Variants in VDAC1 observed in about 807,000 individuals in gnomAD.
The protein encoded by VDAC1 is voltage dependent anion channel 1, also known as non-selective voltage-gated ion channel VDAC1.
VDAC1 carries 10 observed loss-of-function variants against 34.7 expected under a neutral mutation model. The observed-to-expected ratio is 0.29, with a 90% CI of 0.18 to 0.49. The LOEUF (loss-of-function observed/expected upper bound fraction) is 0.49, where lower values mean the gene tolerates loss of function less well. VDAC1 is among the 20% of genes least tolerant of loss of function. The pLI is 0.99. For missense variants in VDAC1, 230 were observed against 347.9 expected, an observed-to-expected ratio of 0.66 and a Z score of 2.69; for synonymous variants, 130 against 136.0, an observed-to-expected ratio of 0.96 and a Z score of 0.30.
At chr5:133,982,495 G>C (rs111755671) in intron 5 of VDAC1, among the ~76,000 whole-genome samples, 12,767 of 133,994 alleles carry the variant, frequency 0.095, 766 homozygotes, top group South Asian at 0.23. Flanking sequence ...CTGGGCGACA[G>C]AGTAAGACTC....
At chr5:134,109,425 T>G in the VDAC1 span, among the ~76,000 whole-genome samples, 1 of 152,112 alleles carries the variant, frequency 6.6e-6, no homozygotes, top group Non-Finnish European at 1.5e-5. Flanking sequence ...ACGCCGCTTG[T>G]CTCTCACCTC....
the VDAC1 span, among the ~76,000 whole-genome samples, chr5:134,106,874 C>G: frequency 6.6e-6 from 1 of 152,210 alleles, no homozygotes; most frequent in African/African-American, 2.4e-5. Flanking sequence ...CATCTTTCTC[C>G]TTCCAGTTCC....
chr5:134,018,958 T>C, the VDAC1 span, among the ~76,000 whole-genome samples: 1 of 152,184 alleles, frequency 6.6e-6, no homozygotes, highest in Admixed American at 6.6e-5. Flanking sequence ...ACTCTCCATA[T>C]GCCTCCATCA....
chr5:134,046,955 C>T, the VDAC1 span, among the ~76,000 whole-genome samples: 1 of 152,178 alleles, frequency 6.6e-6, no homozygotes. Flanking sequence ...TGTGGCTGCA[C>T]TGTTAGAGCT....
chr5:134,028,642 T>G, the VDAC1 span, among the ~76,000 whole-genome samples: 1 of 152,122 alleles, frequency 6.6e-6, no homozygotes, highest in Non-Finnish European at 1.5e-5. Flanking sequence ...TTGCTCTTCC[T>G]CCTCCTTCCC....
At chr5:134,020,750 C>T in the VDAC1 span, among the ~76,000 whole-genome samples, 2 of 152,062 alleles carry the variant, frequency 1.3e-5, no homozygotes, top group Non-Finnish European at 2.9e-5. Context: ...GATCTCGGCT[C>T]ACTGCAAGCT....
At chr5:134,027,929 C>T in the VDAC1 span, among the ~76,000 whole-genome samples, 1 of 151,478 alleles carries the variant, frequency 6.6e-6, no homozygotes, top group East Asian at 1.9e-4. Flanking sequence ...CACCACCATA[C>T]CCTGCTAATT....
At chr5:134,080,876 T>TTTTA in the VDAC1 span, among the ~76,000 whole-genome samples, 3 of 152,030 alleles carry the variant, frequency 2.0e-5, no homozygotes, top group Admixed American at 6.6e-5. Flanking sequence ...AAATTTTTTA[T>TTTTA]TTTATTTATT....
chr5:134,064,319 T>TGA, the VDAC1 span, among the ~76,000 whole-genome samples: 1 of 151,844 alleles, frequency 6.6e-6, no homozygotes, highest in South Asian at 2.1e-4. Flanking sequence ...GGTTTTTTTT[T>TGA]GAGAGAGAGA....
At chr5:133,974,029 T>C (rs1752390648) in intron 7 of VDAC1, among the ~76,000 whole-genome samples, 181 bp from the exon 8 acceptor site, 1 of 152,254 alleles carries the variant, frequency 6.6e-6, no homozygotes, top group South Asian at 2.1e-4. Flanking sequence ...GGTGCATACC[T>C]TTCTGTTCAA....
the VDAC1 span, among the ~76,000 whole-genome samples, chr5:134,056,508 T>C: frequency 6.7e-6 from 1 of 150,110 alleles, no homozygotes; most frequent in Non-Finnish European, 1.5e-5. Flanking sequence ...GGTGCGATCA[T>C]GGCTCACTGC....
chr5:134,087,921 G>A, the VDAC1 span, among the ~76,000 whole-genome samples: 1 of 151,370 alleles, frequency 6.6e-6, no homozygotes, highest in Non-Finnish European at 1.5e-5. Flanking sequence ...AGGCCAAGGC[G>A]GGCAGGTCAC....
chr5:134,051,695 GTTTTTGTT>G, the VDAC1 span, among the ~76,000 whole-genome samples: 12 of 136,668 alleles, frequency 8.8e-5, no homozygotes, highest in African/African-American at 2.1e-4. Flanking sequence ...CTTTGTTTTT[GTTTTTGTT>G]TTTTTGTTTT....
chr5:134,064,708 G>A, the VDAC1 span, among the ~76,000 whole-genome samples: 3 of 126,412 alleles, frequency 2.4e-5, no homozygotes, highest in African/African-American at 1.0e-4. Flanking sequence ...CAATTTTTCT[G>A]TAACTTCTTT....
the VDAC1 span, among the ~76,000 whole-genome samples, chr5:134,064,620 A>G: frequency 6.6e-6 from 1 of 151,908 alleles, no homozygotes; most frequent in African/African-American, 2.4e-5. Flanking sequence ...TTGTTTTAAG[A>G]TACTATGTTT....
At chr5:134,014,676 G>C in the VDAC1 span, among the ~76,000 whole-genome samples, 2 of 152,150 alleles carry the variant, frequency 1.3e-5, no homozygotes, top group Admixed American at 1.3e-4. Context: ...GACCAGCCTA[G>C]CCAACATAGT....
At chr5:133,989,953 C>G (rs1250444676) in intron 5 of VDAC1, among the ~76,000 whole-genome samples, 1 of 152,260 alleles carries the variant, frequency 6.6e-6, no homozygotes, top group South Asian at 2.1e-4. Flanking sequence ...TGAGCCACCA[C>G]GCCCGGCCCA....
At chr5:133,989,938 A>T (rs1753041273) in intron 5 of VDAC1, among the ~76,000 whole-genome samples, 1 of 152,268 alleles carries the variant, frequency 6.6e-6, no homozygotes, top group Non-Finnish European at 1.5e-5. Flanking sequence ...TTGGGATTAC[A>T]GGCGTGAGCC....
chr5:133,995,778 T>C (rs533106642), intron 1 of VDAC1, among the ~76,000 whole-genome samples: 2 of 152,262 alleles, frequency 1.3e-5, no homozygotes, highest in South Asian at 2.1e-4. Context: ...CTCGAACCCA[T>C]TTCAGAGACA....
Sources: allele counts gnomAD v4.1 joint callset (sites outside exome capture counted in the v4.1 genomes callset), GRCh38; gene constraint gnomAD v4.1.1; transcripts MANE v1.5; gene names NCBI Gene and HGNC (gene_info 2026-07-23, HGNC 2026-07-21).